COA8: variants seen among roughly 807,000 people sequenced by gnomAD.
The protein encoded by COA8 is UPF0671 protein C14orf153.
COA8 carries 20 observed loss-of-function variants against 22.0 expected under a neutral mutation model. The observed-to-expected ratio is 0.91, with a 90% confidence interval of 0.64 to 1.32. The LOEUF (loss-of-function observed/expected upper bound fraction) is 1.32, where lower values mean the gene tolerates loss of function less well. Ranked by LOEUF, COA8 falls within the 40% of genes most tolerant of loss-of-function variation. The probability of loss-of-function intolerance (pLI) is 0.00; values close to 1 mark genes in which losing one functional copy is unlikely to be tolerated. For synonymous variants in COA8, 105 were observed against 79.9 expected, an observed-to-expected ratio of 1.31 and a Z score of -1.68; for missense variants, 266 against 230.0, an observed-to-expected ratio of 1.16 and a Z score of -1.01.
At chr14:103,579,232 G>A (rs1386330092) in intron 3 of COA8, 5 of 161,864 alleles carry the variant, frequency 3.1e-5, no homozygotes, top group Admixed American at 6.5e-5. Flanking sequence ...AGCCCTGTAT[G>A]TACACTAGGT....
chr14:103,565,972 C>T (rs1397137062), intron 1 of COA8, among the ~76,000 whole-genome samples: 4 of 152,218 alleles, frequency 2.6e-5, no homozygotes, highest in South Asian at 2.1e-4. Context: ...TTCCTGTTTC[C>T]GTGGATTGTT....
intron 1 of COA8, among the ~76,000 whole-genome samples, chr14:103,566,068 C>T (rs1423210218): frequency 6.6e-6 from 1 of 152,164 alleles, no homozygotes; most frequent in Admixed American, 6.5e-5. Context: ...ATTTTAACCC[C>T]ATCTTCTTTT....
chr14:103,571,230 G>A (rs186559508), intron 1 of COA8, among the ~76,000 whole-genome samples: 7 of 152,074 alleles, frequency 4.6e-5, no homozygotes, highest in Non-Finnish European at 5.9e-5. Flanking sequence ...TTAGCCGGGC[G>A]TGGTGATGGG....
intron 1 of COA8, among the ~76,000 whole-genome samples, chr14:103,568,693 G>A (rs1379384051): frequency 1.3e-5 from 2 of 150,694 alleles, no homozygotes; most frequent in African/African-American, 2.4e-5. Flanking sequence ...GCAGTGACAC[G>A]ATCTTGGTTC....
chr14:103,581,358 C>G lies in COA8; in HGVS notation c.386-5916C>G, dbSNP rs1251562212. Reference sequence around the variant, plus strand: ...TTACTCAGACACAAGCACTGCTGTACGACGACAGTGGATCTGATCACCGAG... The same window carrying G: ...TTACTCAGACACAAGCACTGCTGTAGGACGACAGTGGATCTGATCACCGAG... On this transcript the variant is annotated intron_variant, in intron 3 of 4. Transcript: ENST00000409074. The surrounding 1 kb of genome is among the most constrained non-coding windows in gnomAD (Gnocchi z 4.1). Among the ~76,000 whole-genome samples, 1 of 152,022 alleles carries G rather than the reference C, an allele frequency of 6.6e-6. No homozygotes were observed. The highest frequency in any genetic ancestry group is 1.5e-5 in the Non-Finnish European group (1 of 68,020).
At chr14:103,588,062 G>T in intron 4 of COA8, 1 of 237,698 alleles carries the variant, frequency 4.2e-6, no homozygotes, top group Non-Finnish European at 7.9e-6. Flanking sequence ...GTTGCGGTGA[G>T]CTGAGATCGT....
At position 103,581,307 on chromosome 14, in the gene COA8, T is replaced by G. The variant is rs1320009172; in HGVS notation, c.386-5967T>G. 6.6e-6 allele frequency among the ~76,000 whole-genome samples: 1 copy of G among 152,148 alleles called. No individual in the cohort carries two copies. Among genetic ancestry groups the G allele is most frequent in the Non-Finnish European group, 1.5e-5 (1 of 68,022 alleles). On this transcript the variant is annotated intron_variant, in intron 3 of 4. Transcript: ENST00000409074. This position sits in a 1 kb window ranked among gnomAD's most constrained non-coding sequence, Gnocchi z 4.1. ...TGCCAGCATCTCTAATCTTGTATTT[T>G]GCAACCATTACCAAGTAAATAAGGG...
chr14:103,566,759 C>T (rs2142275187), intron 1 of COA8, among the ~76,000 whole-genome samples: 1 of 152,308 alleles, frequency 6.6e-6, no homozygotes, highest in South Asian at 2.1e-4. Flanking sequence ...GCTGAATCCA[C>T]CATGTCCATC....
Position 103,571,471 on chromosome 14 carries a change from T to G in COA8, c.124-152T>G, listed in dbSNP as rs1595139005. ...CCTGTGTGGTGGCTCCTACTTGTAA[T>G]CCCAGCACTTTGGCTGAGATCACGC... On this transcript the variant is annotated intron_variant, in intron 1 of 4. Transcript: ENST00000409074. The G allele has an allele frequency of 5.5e-6, 4 of 722,234 alleles. No individual in the cohort carries two copies. The Admixed American group carries it at 1.2e-4, about 21-fold the overall frequency. 44.7% of individuals were successfully genotyped at this position (722,234 alleles called of 1,614,324 possible).
chr14:103,588,672 T>G (rs542262467), intron 4 of COA8, among the ~76,000 whole-genome samples: 1 of 151,768 alleles, frequency 6.6e-6, no homozygotes, highest in Admixed American at 6.6e-5. Flanking sequence ...GACAAAACCC[T>G]GTCTCTACAA....
At chr14:103,563,255 C>A (rs1436425052) in intron 1 of COA8, 131 bp downstream of exon 1, 2 of 1,246,442 alleles carry the variant, frequency 1.6e-6, no homozygotes, top group South Asian at 1.3e-5. Flanking sequence ...CGTCCTATCC[C>A]GAACAGTCCC....
intron 4 of COA8, chr14:103,588,149 A>G: frequency 9.1e-6 from 2 of 218,944 alleles, no homozygotes; most frequent in South Asian, 2.0e-4. Flanking sequence ...AACGGGTTTT[A>G]GCTGGTTACA....
chr14:103,586,200 C>CTTTTTTTTTTTT, intron 3 of COA8, among the ~76,000 whole-genome samples: 1 of 92,698 alleles, frequency 1.1e-5, no homozygotes, highest in Non-Finnish European at 2.1e-5. Flanking sequence ...TGCACCTGGC[C>CTTTTTTTTTTTT]TTTTTTTTTT....
chr14:103,563,033 T>G lies in COA8; in HGVS notation c.32T>G (p.Phe11Cys), dbSNP rs752976621. 59 of 1,549,630 alleles carry G rather than the reference T, an allele frequency of 3.8e-5. No individual in the cohort carries two copies. The highest frequency in any genetic ancestry group is 5.0e-5 in the Non-Finnish European group (58 of 1,153,336). MVVLRAGKKT[F>C]LPPLCRAFAC... Reference sequence around the variant, plus strand: ...GTCTTGCGGGCGGGGAAGAAGACCTTTCTCCCCCCTCTCTGCCGCGCCTTC... The same window carrying G: ...GTCTTGCGGGCGGGGAAGAAGACCTGTCTCCCCCCTCTCTGCCGCGCCTTC... Residue 11 changes from phenylalanine to cysteine, a missense_variant, in exon 1 of 5, where the codon TTT (phenylalanine) becomes TGT (cysteine). Transcript: ENST00000409074.
At chr14:103,575,217 A>G (rs1198241612) in intron 3 of COA8, among the ~76,000 whole-genome samples, 1 of 152,238 alleles carries the variant, frequency 6.6e-6, no homozygotes, top group African/African-American at 2.4e-5. Context: ...TAGGTCTGTC[A>G]TCATATCAGG....
intron 4 of COA8, among the ~76,000 whole-genome samples, chr14:103,587,827 T>C (rs1463516305): frequency 1.3e-5 from 2 of 151,918 alleles, no homozygotes; most frequent in African/African-American, 4.8e-5. Context: ...ATTTTTTAAG[T>C]GACTGCAGTG....
In COA8 at chr14:103,578,949, G is replaced by C. The variant is rs920969965; in HGVS notation, c.385+4779G>C. Among the ~76,000 whole-genome samples the C allele has an allele frequency of 1.1e-4, 16 of 152,220 alleles. 1 individual carries two copies. The highest frequency in any genetic ancestry group is 3.9e-4 in the African/African-American group (16 of 41,458). Reference sequence around the variant, plus strand: ...GGTGCGCGGTTGCTGTCACACACTAGAGAGGAAGAAACTGAGATGGAGGTA... The same window carrying C: ...GGTGCGCGGTTGCTGTCACACACTACAGAGGAAGAAACTGAGATGGAGGTA... On this transcript the variant is annotated intron_variant, in intron 3 of 4. Transcript: ENST00000409074.
chr14:103,588,203 A>G (rs1415623400), intron 4 of COA8: 1 of 380,308 alleles, frequency 2.6e-6, no homozygotes, highest in Non-Finnish European at 4.7e-6. Context: ...ATAGGACATG[A>G]TATCTGAGAT....
chr14:103,579,754 G>A (rs1391426337), intron 3 of COA8, among the ~76,000 whole-genome samples: 1 of 151,404 alleles, frequency 6.6e-6, no homozygotes, highest in Non-Finnish European at 1.5e-5. Context: ...CCTGAGGTCA[G>A]GAGTTCGAGA....
Sources: allele counts gnomAD v4.1 joint callset (sites outside exome capture counted in the v4.1 genomes callset), GRCh38; gene constraint gnomAD v4.1.1; non-coding constraint Gnocchi (gnomAD v3.1); transcripts MANE v1.5; gene names NCBI Gene and HGNC (gene_info 2026-07-23, HGNC 2026-07-21).